ZNF566: variants seen among roughly 807,000 people sequenced by gnomAD.
ZNF566 encodes zinc finger protein 566.
Under a neutral mutation model 32.8 loss-of-function variants are expected in ZNF566, and 27 were observed. The ratio of observed to expected loss-of-function variants is 0.82; its 90% confidence interval spans 0.61 to 1.14. The LOEUF (loss-of-function observed/expected upper bound fraction) is 1.14. Among genes scored for constraint, ZNF566 ranks in the 50% most tolerant of loss-of-function variants. The pLI, the probability that ZNF566 is intolerant of heterozygous loss-of-function variation, is 0.00. For synonymous variants in ZNF566, 154 were observed against 159.5 expected (o/e 0.97, Z 0.26); for missense variants, 402 against 490.4 (o/e 0.82, Z 1.70).
intron 4 of ZNF566, among the ~76,000 whole-genome samples, chr19:36,465,233 AAAT>A (rs141160512): frequency 6.6e-6 from 1 of 152,300 alleles, no homozygotes; most frequent in African/African-American, 2.4e-5. Flanking sequence ...AAAGATGAAA[AAAT>A]AATATCATAA....
intron 4 of ZNF566, among the ~76,000 whole-genome samples, chr19:36,455,393 CATCCAA>C (rs774997756): frequency 3.9e-5 from 6 of 152,042 alleles, no homozygotes; most frequent in Non-Finnish European, 8.8e-5. Context: ...GAATAAAAGG[CATCCAA>C]ATTCAAAAAA....
intron 4 of ZNF566, among the ~76,000 whole-genome samples, chr19:36,469,924 A>C (rs547837263): frequency 4.4e-4 from 67 of 151,914 alleles, no homozygotes; most frequent in Admixed American, 1.1e-3. Flanking sequence ...CACTAAAAGA[A>C]AAAAAAAACA....
Position 36,453,497 on chromosome 19 carries a change from A to T in ZNF566, c.233-3496T>A, listed in dbSNP as rs940084172. Among the ~76,000 whole-genome samples the T allele has an allele frequency of 6.0e-3, 754 of 125,368 alleles. 9 individuals carry two copies. Among genetic ancestry groups the T allele is most frequent in the African/African-American group, 0.02 (676 of 33,264 alleles). 82.2% of individuals were successfully genotyped at this position (125,368 alleles called of 152,430 possible). A position where few individuals can be genotyped will look rare whatever the true frequency, so the allele number is the denominator to read the frequency against. On this transcript the variant is annotated intron_variant, in intron 4 of 4. Transcript: ENST00000452939. ...CAAATAAATAAATAAATAAATAAAT[A>T]AATAAATAAATTAATTAATTAAAAT...
At chr19:36,483,158 G>T (rs533415302) in intron 1 of ZNF566, among the ~76,000 whole-genome samples, 1 of 152,038 alleles carries the variant, frequency 6.6e-6, no homozygotes, top group African/African-American at 2.4e-5. Context: ...TTACAACTAG[G>T]GTAAAATCTC....
intron 1 of ZNF566, among the ~76,000 whole-genome samples, chr19:36,479,643 T>C (rs2033976867): frequency 6.6e-6 from 1 of 152,150 alleles, no homozygotes; most frequent in Non-Finnish European, 1.5e-5. Context: ...CAGTTTTTGT[T>C]TTTGTTTTTG....
At chr19:36,477,247 T>C (rs2033910643) in intron 1 of ZNF566, among the ~76,000 whole-genome samples, 1 of 152,106 alleles carries the variant, frequency 6.6e-6, no homozygotes, top group African/African-American at 2.4e-5. Flanking sequence ...CCTGACCTCA[T>C]GATCCGCCCG....
chr19:36,477,830 T>G (rs566066054), intron 1 of ZNF566, among the ~76,000 whole-genome samples: 1 of 152,114 alleles, frequency 6.6e-6, no homozygotes, highest in East Asian at 1.9e-4. Flanking sequence ...GTATTCTTTA[T>G]AAACATCTTC....
chr19:36,453,416 T>C (rs953974668), intron 4 of ZNF566, among the ~76,000 whole-genome samples: 1 of 151,016 alleles, frequency 6.6e-6, no homozygotes, highest in African/African-American at 2.4e-5. Flanking sequence ...GAGGTTGCAG[T>C]GAGCCGAGAT....
chr19:36,451,345 G>A (rs2033152603), intron 4 of ZNF566, among the ~76,000 whole-genome samples: 1 of 152,142 alleles, frequency 6.6e-6, no homozygotes, highest in Admixed American at 6.6e-5. Flanking sequence ...GGACAGATAT[G>A]GTATATGTTT....
intron 4 of ZNF566, among the ~76,000 whole-genome samples, chr19:36,456,160 T>C (rs976241083): frequency 4.3e-4 from 66 of 151,810 alleles, no homozygotes; most frequent in African/African-American, 1.6e-3. Flanking sequence ...CCATGTATAA[T>C]AACATCAAAA....
At chr19:36,467,041 C>G (rs1179115134) in intron 4 of ZNF566, among the ~76,000 whole-genome samples, 7 of 150,146 alleles carry the variant, frequency 4.7e-5, no homozygotes, top group Admixed American at 2.0e-4. Flanking sequence ...TGCACTCCAC[C>G]CTGGGTGACA....
intron 4 of ZNF566, among the ~76,000 whole-genome samples, chr19:36,464,986 A>T (rs1213124390): frequency 2.6e-5 from 4 of 152,204 alleles, no homozygotes; most frequent in Non-Finnish European, 5.9e-5. Flanking sequence ...ACTGGAAAAC[A>T]TATCTATAAA....
chr19:36,456,246 T>C (rs977816671), intron 4 of ZNF566, among the ~76,000 whole-genome samples: 9 of 148,984 alleles, frequency 6.0e-5, no homozygotes, highest in Non-Finnish European at 1.3e-4. Flanking sequence ...ATGAAAAAAA[T>C]GAAGACACGC....
chr19:36,459,005 C>T (rs887237866), intron 4 of ZNF566, among the ~76,000 whole-genome samples: 5 of 152,050 alleles, frequency 3.3e-5, no homozygotes, highest in African/African-American at 1.2e-4. Context: ...AGGCATGCAC[C>T]ACCACGCCTG....
intron 4 of ZNF566, among the ~76,000 whole-genome samples, chr19:36,464,889 C>G (rs1296833294): frequency 6.6e-6 from 1 of 151,972 alleles, no homozygotes; most frequent in Non-Finnish European, 1.5e-5. Flanking sequence ...ATAATTTAAC[C>G]ACTAAACATA....
rs191408014 is a variant in ZNF566, at chr19:36,450,192, A to G, written c.233-191T>C. On this transcript the variant is annotated intron_variant, in intron 4 of 4. Transcript: ENST00000452939. ...CAAAGTAAGTCACTGGTTCCCAAAC[A>G]TTGCTATAGATCAGAATTACTTTGG... Among the ~76,000 whole-genome samples the G allele has an allele frequency of 5.7e-4, 87 of 152,316 alleles. 1 individual carries two copies. The highest frequency in any genetic ancestry group is 5.6e-3 in the Admixed American group (86 of 15,280).
At chr19:36,461,786 CT>C (rs1336775549) in intron 4 of ZNF566, among the ~76,000 whole-genome samples, 1 of 152,118 alleles carries the variant, frequency 6.6e-6, no homozygotes, top group Non-Finnish European at 1.5e-5. Flanking sequence ...TCCAACAAGG[CT>C]TGTGTGGACT....
At position 36,489,468 on chromosome 19, in the gene ZNF566, T is replaced by C. The variant is rs2912426; in HGVS notation, c.-60+18A>G. On this transcript the variant is annotated intron_variant, in intron 1 of 4. Transcript: ENST00000452939. ...CCCCGGCCCCGCCCTCTCCCGGGTT[T>C]CTCACCTCAGGCCTTACCAGCTTTC... 0.64 allele frequency: 196,337 copies of C among 305,972 alleles called. 64,364 individuals are homozygous for C. The highest frequency in any genetic ancestry group is 0.68 in the Non-Finnish European group (106,319 of 156,972). The allele number at this position is 305,972 out of a possible 1,614,324, so 19.0% of individuals were successfully genotyped here. A position where few individuals can be genotyped will look rare whatever the true frequency, so the allele number is the denominator to read the frequency against.
rs1372595365 is a variant in ZNF566 at position 36,461,368 on chromosome 19, A to T, written c.233-11367T>A. Reference sequence around the variant, plus strand: ...TTTGAACTTCAGAAATTATACCAAGATACATCTAATTAAAACTCTTGGCTG... The same window carrying T: ...TTTGAACTTCAGAAATTATACCAAGTTACATCTAATTAAAACTCTTGGCTG... On this transcript the variant is annotated intron_variant, in intron 4 of 4. Transcript: ENST00000452939. Among the ~76,000 whole-genome samples, 5 of 152,178 alleles carry T rather than the reference A, an allele frequency of 3.3e-5. No individual in the cohort carries two copies. In the East Asian group the frequency reaches 7.7e-4, roughly 23 times the overall value.
Sources: allele counts gnomAD v4.1 joint callset (sites outside exome capture counted in the v4.1 genomes callset), GRCh38; gene constraint gnomAD v4.1.1; transcripts MANE v1.5; gene names NCBI Gene and HGNC (gene_info 2026-07-23, HGNC 2026-07-21).